The following TRMT2B variants were observed in gnomAD, a reference collection of about 807,000 sequenced individuals.
TRMT2B encodes tRNA methyltransferase 2B.
A neutral mutation model predicts 39.7 loss-of-function variants in TRMT2B; 34 were observed. The ratio of observed to expected loss-of-function variants is 0.86; its 90% CI spans 0.65 to 1.14. The LOEUF (loss-of-function observed/expected upper bound fraction) is 1.14, where lower values mean the gene tolerates loss of function less well. Ranked by LOEUF, TRMT2B falls within the 50% of genes most tolerant of loss-of-function variation. The pLI is 0.00. For synonymous variants in TRMT2B, 132 were observed against 137.3 expected (o/e 0.96, Z 0.27); for missense variants, 318 against 377.2 (o/e 0.84, Z 1.30).
chrX:100,994,777 A>G, the TRMT2B span, among the ~76,000 whole-genome samples: 2 of 110,960 alleles, frequency 1.8e-5, no homozygotes, highest in Non-Finnish European at 3.8e-5. Context: ...TTGTGTTTTT[A>G]TTTTTGTTTT....
the TRMT2B span, chrX:100,985,794 T>C: frequency 3.3e-6 from 4 of 1,209,711 alleles, no homozygotes; most frequent in Admixed American, 6.6e-5. Context: ...CAAACTACTA[T>C]GCACAGGCCC....
At chrX:100,976,593 GTTT>G in the TRMT2B span, among the ~76,000 whole-genome samples, 2 of 111,974 alleles carry the variant, frequency 1.8e-5, no homozygotes, top group Non-Finnish European at 3.8e-5. Context: ...CCCTGCAAAT[GTTT>G]TTGTTGTTGT....
chrX:100,998,775 A>C, the TRMT2B span, among the ~76,000 whole-genome samples: 1 of 111,041 alleles, frequency 9.0e-6, no homozygotes, highest in African/African-American at 3.3e-5. Flanking sequence ...TAAGTGATAG[A>C]GTCAGGATTT....
chrX:100,976,669 A>G, the TRMT2B span, among the ~76,000 whole-genome samples: 2 of 112,234 alleles, frequency 1.8e-5, no homozygotes, highest in Non-Finnish European at 3.8e-5. Context: ...CTGGAGTGCA[A>G]TGGCACAATC....
Position 101,041,339 on chromosome X carries a change from A to G in TRMT2B, c.281T>C (p.Leu94Ser), listed in dbSNP as rs1046638417. Residue 94 changes from leucine (L) to serine (S), a missense_variant, in exon 4 of 14, where the codon TTG becomes TCG. By Grantham distance (145) the Leu-to-Ser change is moderately radical. Transcript: ENST00000372936. ...LADVVTPLWR[L>S]SYEEQLKVKF... The stretch of plus-strand genomic sequence containing the variant: ...TACCTTGAGCTGTTCTTCATAGCTC[A>G]ACCTCCAGAGTGGTGTCACAACATC... 8.3e-7 allele frequency: 1 copy of G among 1,210,547 alleles called. No homozygotes were observed. The highest frequency in any genetic ancestry group is 1.1e-6 in the Non-Finnish European group (1 of 894,841).
At chrX:101,046,145 C>CAAAA (rs10659413) in intron 2 of TRMT2B, among the ~76,000 whole-genome samples, 1 of 56,892 alleles carries the variant, frequency 1.8e-5, no homozygotes, top group Non-Finnish European at 3.2e-5. Context: ...GACTCAGTCT[C>CAAAA]AAAAAAAAAA....
At position 101,027,293 on chromosome X, in the gene TRMT2B, G is replaced by A. The variant is rs187636363; in HGVS notation, c.610-3677C>T. On this transcript the variant is annotated intron_variant, in intron 7 of 13. Coordinates refer to ENST00000372936, the MANE Select transcript of TRMT2B (RefSeq NM_024917.6). ...TGTCGCCAGGTTGGAGTGCAGTGGC[G>A]CGATCTCGGTTCACTGCAACCTCCG... Among the ~76,000 whole-genome samples, 35 of 108,123 alleles carry A rather than the reference G, an allele frequency of 3.2e-4. 1 individual carries two copies. The highest frequency in any genetic ancestry group is 1.5e-3 in the Admixed American group (15 of 9,984). The allele number at this position is 108,123 out of a possible 115,157, so 93.9% of individuals were successfully genotyped here. A position where few individuals can be genotyped will look rare whatever the true frequency, so the allele number is the denominator to read the frequency against.
At chrX:101,028,413 C>T in intron 7 of TRMT2B, among the ~76,000 whole-genome samples, 1 of 111,190 alleles carries the variant, frequency 9.0e-6, no homozygotes, top group Middle Eastern at 4.6e-3. Context: ...GCCACTGCGC[C>T]CAGCCACTTC....
the TRMT2B span, among the ~76,000 whole-genome samples, chrX:101,003,379 G>C: frequency 2.0e-4 from 20 of 101,646 alleles, no homozygotes; most frequent in African/African-American, 7.3e-4. Context: ...ATGGAGTTTC[G>C]CTCTTGTTGC....
rs1351655634 is a variant in TRMT2B, at chrX:101,021,144, T to G, written c.1023A>C (p.Gly341=). The G allele has an allele frequency of 1.7e-6, 2 of 1,211,155 alleles. No individual in the cohort carries two copies. Among genetic ancestry groups the G allele is most frequent in the Admixed American group, 4.4e-5 (2 of 45,902 alleles). ...CAAGAAGGATGGTGTCAGAGTTCAC[T>G]CCAGTCAGCTCCCCCACAGTCCGAT... is the stretch of plus-strand genomic sequence containing the variant. ...MLYRTVGELT[G]VNSDTILLDI... The change falls in exon 10 of 14, where the codon GGA becomes GGC. Residue 341 remains glycine (G), a synonymous_variant. Transcript: ENST00000372936.
rs1380721410 is a variant in TRMT2B, at chrX:101,018,768, T to C, written c.1388+203A>G. On this transcript the variant is annotated intron_variant, in intron 13 of 13. Coordinates refer to ENST00000372936, the MANE Select transcript of TRMT2B (RefSeq NM_024917.6). ...GCACCCGGCTGACACATTCTTAAAT[T>C]TTGCACCCAAACTAAGTACCTGACT... Among the ~76,000 whole-genome samples, 4 of 111,659 alleles carry C rather than the reference T, an allele frequency of 3.6e-5. No individual in the cohort carries two copies. In the East Asian group the frequency reaches 1.1e-3, roughly 31 times the overall value.
downstream of TRMT2B, among the ~76,000 whole-genome samples, chrX:101,005,756 C>T (rs2086095952): frequency 1.9e-5 from 2 of 104,580 alleles, no homozygotes; most frequent in Non-Finnish European, 3.9e-5. Flanking sequence ...TGGCGCATGC[C>T]TATAATCCCA....
At chrX:101,023,664 C>G (rs1186286533) in intron 7 of TRMT2B, 48 bp from the exon 8 acceptor site, 5 of 1,136,277 alleles carry the variant, frequency 4.4e-6, no homozygotes, top group East Asian at 3.0e-5. Flanking sequence ...GCAAGTTTCA[C>G]AGCTGTTTAC....
rs1164200950 is a variant in TRMT2B at position 101,041,317 on chromosome X, C to T, written c.303G>A (p.Lys101=). The stretch of plus-strand genomic sequence containing the variant: ...GTAAAGACTTAGGCTGGGCACCTAC[C>T]TTGAGCTGTTCTTCATAGCTCAACC... The part of the protein sequence containing the change: ...LWRLSYEEQL[K]VKFAAQKKIL... The change falls in exon 4 of 14, where the codon AAG becomes AAA. Residue 101 remains lysine (K), a splice_region_variant and synonymous_variant. Transcript: ENST00000372936. 1.7e-6 allele frequency: 2 copies of T among 1,208,002 alleles called. No individual in the cohort carries two copies. Among genetic ancestry groups the T allele is most frequent in the African/African-American group, 3.5e-5 (2 of 57,344 alleles).
chrX:100,980,886 A>T, the TRMT2B span, among the ~76,000 whole-genome samples: 1 of 111,523 alleles, frequency 9.0e-6, no homozygotes, highest in Admixed American at 9.5e-5. Context: ...TAGAAATGTC[A>T]TCGGGGAGCC....
chrX:101,018,298 G>A (rs1250987935), intron 13 of TRMT2B, among the ~76,000 whole-genome samples: 1 of 110,354 alleles, frequency 9.1e-6, no homozygotes, highest in Non-Finnish European at 1.9e-5. Context: ...AGCCGTGATT[G>A]TGCCACTGTG....
the TRMT2B span, among the ~76,000 whole-genome samples, chrX:100,995,973 T>G: frequency 1.8e-5 from 2 of 110,317 alleles, no homozygotes; most frequent in Non-Finnish European, 3.8e-5. Context: ...TACATTTTTT[T>G]TTTTTTAGAA....
At position 101,042,195 on chromosome X, in the gene TRMT2B, T is replaced by C. The variant is rs2088278950; in HGVS notation, c.95A>G (p.Tyr32Cys). 8.3e-7 allele frequency: 1 copy of C among 1,212,081 alleles called. No homozygotes were observed. Among genetic ancestry groups the C allele is most frequent in the Non-Finnish European group, 1.1e-6 (1 of 895,543 alleles). Reference protein sequence around the residue: ...LFSKPGLLPWYARNPPGWSQL... With the variant: ...LFSKPGLLPWCARNPPGWSQL... ...TGACCATCCTGGTGGATTTCTGGCA[T>C]ACCAGGGAAGCAGTCCTGGTTTGGA... is the stretch of plus-strand genomic sequence containing the variant. Residue 32 changes from tyrosine (Y) to cysteine (C), a missense_variant, in exon 3 of 14, where the codon TAT (tyrosine) becomes TGT (cysteine). Transcript: ENST00000372936.
the TRMT2B span, among the ~76,000 whole-genome samples, chrX:101,000,754 G>A: frequency 9.0e-5 from 10 of 110,930 alleles, no homozygotes; most frequent in East Asian, 2.8e-3. Context: ...AAAATCCAAC[G>A]TGATTCTCAT....
Sources: allele counts gnomAD v4.1 joint callset (sites outside exome capture counted in the v4.1 genomes callset), GRCh38; gene constraint gnomAD v4.1.1; transcripts MANE v1.5; gene names NCBI Gene and HGNC (gene_info 2026-07-23, HGNC 2026-07-21).